DPP10: variants seen among roughly 807,000 people sequenced by gnomAD.
The protein encoded by DPP10 is dipeptidyl peptidase like 10.
In DPP10, 33 loss-of-function variants were observed where a neutral mutation model predicts 120.9. The observed-to-expected ratio is 0.27, with a 90% confidence interval of 0.21 to 0.37. The LOEUF is 0.37. Ranked by LOEUF, DPP10 falls within the 10% of genes least tolerant of loss-of-function variation. The probability of loss-of-function intolerance (pLI) is 1.00; values close to 1 mark genes in which losing one functional copy is unlikely to be tolerated. For missense variants in DPP10, 816 were observed against 942.8 expected (o/e 0.87, Z 1.76); for synonymous variants, 337 against 326.1 (o/e 1.03, Z -0.36).
intron 1 of DPP10, among the ~76,000 whole-genome samples, chr2:114,890,636 T>G (rs1431556393): frequency 6.6e-6 from 1 of 152,356 alleles, no homozygotes; most frequent in South Asian, 2.1e-4. Context: ...TGGATAGTTA[T>G]TAGCATCATT....
intron 2 of DPP10, among the ~76,000 whole-genome samples, chr2:115,334,966 A>G (rs986544482): frequency 2.0e-5 from 3 of 151,182 alleles, no homozygotes; most frequent in Admixed American, 1.3e-4. Flanking sequence ...CACGCTGCTG[A>G]TAAAGATATA....
At chr2:115,839,367 G>A (rs528070796) in intron 24 of DPP10, among the ~76,000 whole-genome samples, 1 of 152,010 alleles carries the variant, frequency 6.6e-6, no homozygotes, top group Non-Finnish European at 1.5e-5. Context: ...CCCTAATTTT[G>A]CAACGACAAT....
intron 1 of DPP10, among the ~76,000 whole-genome samples, chr2:115,300,331 G>A (rs184636742): frequency 3.9e-5 from 6 of 152,136 alleles, no homozygotes; most frequent in African/African-American, 1.4e-4. Flanking sequence ...GTATTTGTCC[G>A]TTTGTGACTG....
intron 1 of DPP10, among the ~76,000 whole-genome samples, chr2:115,163,033 A>G (rs2052550077): frequency 6.6e-6 from 1 of 151,884 alleles, no homozygotes; most frequent in Non-Finnish European, 1.5e-5. Context: ...TTAACTGTGG[A>G]CCCGCGGGAC....
chr2:114,677,100 G>A (rs930810363), intron 1 of DPP10, among the ~76,000 whole-genome samples: 8 of 151,970 alleles, frequency 5.3e-5, no homozygotes, highest in South Asian at 2.1e-4. Flanking sequence ...TATCCTCCCC[G>A]GCTCATCAGC....
chr2:114,994,858 T>G (rs537890937), intron 1 of DPP10, among the ~76,000 whole-genome samples: 1 of 152,348 alleles, frequency 6.6e-6, no homozygotes, highest in East Asian at 1.9e-4. Flanking sequence ...TACCTCTATT[T>G]TCTGCCTTAT....
chr2:115,410,341 G>A (rs1171084562), intron 3 of DPP10, among the ~76,000 whole-genome samples: 2 of 152,174 alleles, frequency 1.3e-5, no homozygotes, highest in Non-Finnish European at 2.9e-5. Context: ...GGACACGGAT[G>A]GAGCTGGAAG....
chr2:115,360,869 C>T (rs2064718880), intron 3 of DPP10, among the ~76,000 whole-genome samples: 1 of 152,080 alleles, frequency 6.6e-6, no homozygotes, highest in Non-Finnish European at 1.5e-5. Context: ...TGGAGGATCC[C>T]AGGAAGGGCA....
At chr2:115,308,568 G>A (rs1030690391) in intron 1 of DPP10, among the ~76,000 whole-genome samples, 2 of 152,050 alleles carry the variant, frequency 1.3e-5, no homozygotes, top group Admixed American at 6.6e-5. Context: ...TGCATCGTGA[G>A]AGATGTACAA....
intron 19 of DPP10, among the ~76,000 whole-genome samples, chr2:115,797,433 T>C (rs10195121): frequency 0.06 from 9,090 of 152,092 alleles, 965 homozygotes; most frequent in African/African-American, 0.21. Flanking sequence ...ACATCTACTT[T>C]TACCCTCAGT....
chr2:114,807,204 C>G (rs1684810264), intron 1 of DPP10, among the ~76,000 whole-genome samples: 1 of 152,066 alleles, frequency 6.6e-6, no homozygotes, highest in African/African-American at 2.4e-5. Context: ...TACCTAGAAG[C>G]AGGAGGGACA....
chr2:115,648,686 G>C (rs956694662), intron 5 of DPP10, among the ~76,000 whole-genome samples: 1 of 151,918 alleles, frequency 6.6e-6, no homozygotes. Context: ...ACTTAGCCTA[G>C]GGTATTCTAG....
chr2:115,192,156 A>G (rs146203366), intron 1 of DPP10, among the ~76,000 whole-genome samples: 7 of 152,308 alleles, frequency 4.6e-5, no homozygotes, highest in Non-Finnish European at 7.3e-5. Flanking sequence ...ATCTGAAGCA[A>G]TGTTTTCTAT....
At chr2:114,580,186 A>C (rs1397452236) in intron 1 of DPP10, among the ~76,000 whole-genome samples, 2 of 152,196 alleles carry the variant, frequency 1.3e-5, no homozygotes, top group Non-Finnish European at 2.9e-5. Context: ...TATTTTCTCC[A>C]TTTAAAAGAG....
chr2:115,107,412 TTG>T (rs2049001509), intron 1 of DPP10, among the ~76,000 whole-genome samples: 1 of 143,598 alleles, frequency 7.0e-6, no homozygotes, highest in African/African-American at 2.6e-5. Flanking sequence ...GTTTGTGGGA[TTG>T]GTTATAGCTT....
chr2:115,304,793 TGCATTTTTCCTACTTATTATTCCCA>T (rs904578640), intron 1 of DPP10, among the ~76,000 whole-genome samples: 4 of 152,090 alleles, frequency 2.6e-5, no homozygotes, highest in African/African-American at 9.7e-5. Context: ...GTATTACCCT[TGCATTTTTCCTACTTATTATTCCCA>T]GCATTTTTCT....
chr2:114,572,597 G>A (rs543823423), intron 1 of DPP10, among the ~76,000 whole-genome samples: 1 of 152,334 alleles, frequency 6.6e-6, no homozygotes, highest in South Asian at 2.1e-4. Flanking sequence ...TGTGCTAAAT[G>A]AGAACTATTG....
chr2:115,331,438 G>T (rs1390238854), intron 2 of DPP10, among the ~76,000 whole-genome samples: 2 of 152,060 alleles, frequency 1.3e-5, no homozygotes, highest in African/African-American at 4.8e-5. Context: ...TGATTGCCCT[G>T]GCCAGAACTT....
At chr2:115,662,520 C>T (rs555020835) in intron 5 of DPP10, among the ~76,000 whole-genome samples, 12 of 150,890 alleles carry the variant, frequency 8.0e-5, no homozygotes, top group South Asian at 2.1e-4. Flanking sequence ...AAATAGCAAA[C>T]GGGTATATGA....
Sources: gnomAD v4.1 joint callset for allele counts (sites outside exome capture counted in the v4.1 genomes callset) on GRCh38, gnomAD v4.1.1 for gene constraint, MANE v1.5 for transcripts, NCBI Gene and HGNC (gene_info 2026-07-23, HGNC 2026-07-21) for gene names.